The following CAST variants were observed in gnomAD, a reference collection of about 807,000 sequenced individuals.
The protein encoded by CAST is calpastatin, also known as MIR583 host.
In CAST, 76 loss-of-function variants were observed where a neutral mutation model predicts 119.6. That is an observed-to-expected ratio of 0.64 (90% CI 0.53 to 0.77). The LOEUF is 0.77. Ranked by LOEUF, CAST falls within the 30% of genes least tolerant of loss-of-function variation. The pLI is 0.00. For missense variants in CAST, 953 were observed against 946.5 expected (o/e 1.01, Z -0.09); for synonymous variants, 319 against 331.6 (o/e 0.96, Z 0.41).
chr5:96,419,707 C>G, the CAST span, among the ~76,000 whole-genome samples: 1 of 151,864 alleles, frequency 6.6e-6, no homozygotes, highest in African/African-American at 2.4e-5. Flanking sequence ...AGGCACAAAA[C>G]AAATAGCATT....
At chr5:96,513,766 G>A in the CAST span, among the ~76,000 whole-genome samples, 4 of 152,084 alleles carry the variant, frequency 2.6e-5, no homozygotes, top group Non-Finnish European at 5.9e-5. Flanking sequence ...TTGTTTCCTA[G>A]GGTTGCCATA....
the CAST span, among the ~76,000 whole-genome samples, chr5:96,274,353 C>T: frequency 6.6e-6 from 1 of 151,928 alleles, no homozygotes; most frequent in Non-Finnish European, 1.5e-5. Flanking sequence ...CTGCCCACCC[C>T]GGCCTCCCAA....
chr5:96,275,354 G>C, the CAST span, among the ~76,000 whole-genome samples: 5 of 152,298 alleles, frequency 3.3e-5, no homozygotes, highest in East Asian at 9.6e-4. Flanking sequence ...GGCAAGAATT[G>C]ATAATATAAC....
At chr5:96,255,553 C>T in the CAST span, among the ~76,000 whole-genome samples, 105 of 118,028 alleles carry the variant, frequency 8.9e-4, no homozygotes, top group African/African-American at 4.0e-3. Context: ...AAAACCAGGT[C>T]AGTCCAAATA....
At chr5:96,401,562 G>C in the CAST span, among the ~76,000 whole-genome samples, 1 of 152,208 alleles carries the variant, frequency 6.6e-6, no homozygotes, top group African/African-American at 2.4e-5. Flanking sequence ...AGATAAATCA[G>C]AGATATAAGG....
chr5:96,057,762 A>G, the CAST span, among the ~76,000 whole-genome samples: 1 of 152,134 alleles, frequency 6.6e-6, no homozygotes. Flanking sequence ...GGAAAGAACT[A>G]ACCCTTCTGG....
intron 3 of CAST, among the ~76,000 whole-genome samples, chr5:96,722,298 T>C (rs531280233): frequency 1.3e-5 from 2 of 152,328 alleles, no homozygotes; most frequent in South Asian, 4.1e-4. Context: ...TAATAATATT[T>C]ACTGAGCATT....
At chr5:96,227,274 T>G in the CAST span, among the ~76,000 whole-genome samples, 3 of 152,236 alleles carry the variant, frequency 2.0e-5, no homozygotes, top group Admixed American at 6.5e-5. Flanking sequence ...CATTTTGAAT[T>G]CTTTGGATTT....
intron 1 of CAST, among the ~76,000 whole-genome samples, chr5:96,640,626 A>G (rs548385541): frequency 6.6e-6 from 1 of 152,148 alleles, no homozygotes; most frequent in South Asian, 2.1e-4. Flanking sequence ...GAATGGAAAA[A>G]AGGGGAGCTG....
the CAST span, among the ~76,000 whole-genome samples, chr5:96,333,855 C>T: frequency 6.6e-6 from 1 of 152,172 alleles, no homozygotes; most frequent in African/African-American, 2.4e-5. Context: ...CTCTGAGCTT[C>T]ATTTATTCTG....
At chr5:96,022,580 A>G in the CAST span, among the ~76,000 whole-genome samples, 2 of 152,190 alleles carry the variant, frequency 1.3e-5, no homozygotes, top group African/African-American at 4.8e-5. Context: ...TGGTCTATTC[A>G]TGACTCTTTC....
chr5:96,381,915 A>G, the CAST span, among the ~76,000 whole-genome samples: 10,253 of 152,286 alleles, frequency 0.067, 551 homozygotes, highest in Non-Finnish European at 0.091. Flanking sequence ...TTATCAAGAT[A>G]CATAGAGTTA....
chr5:96,038,982 C>T, the CAST span, among the ~76,000 whole-genome samples: 3 of 152,152 alleles, frequency 2.0e-5, no homozygotes, highest in Non-Finnish European at 4.4e-5. Context: ...ATTTACATCC[C>T]CACCAACAGT....
chr5:96,292,160 C>T, the CAST span, among the ~76,000 whole-genome samples: 5 of 152,098 alleles, frequency 3.3e-5, no homozygotes, highest in Non-Finnish European at 2.9e-5. Flanking sequence ...AGGCTTCAAG[C>T]TTTACCCTGA....
At chr5:95,999,943 T>C in the CAST span, among the ~76,000 whole-genome samples, 1 of 152,332 alleles carries the variant, frequency 6.6e-6, no homozygotes, top group Admixed American at 6.5e-5. Flanking sequence ...ATTATAACCA[T>C]TTCAGTGGAT....
At chr5:96,538,676 T>TA (rs36077156) in intron 1 of CAST, among the ~76,000 whole-genome samples, 87,193 of 148,732 alleles carry the variant, frequency 0.59, 26,033 homozygotes, top group East Asian at 0.86. Flanking sequence ...TTTTTTAAAT[T>TA]AAAAAAAAAA....
chr5:96,590,041 G>C lies in CAST; in HGVS notation c.60+60161G>C, dbSNP rs531848160. On this transcript the variant is annotated intron_variant, in intron 1 of 11. Coordinates refer to the CAST transcript ENST00000505143. ...TTAGAGCACTTACAATTTGAAACAG[G>C]CTGTTTTATACTGTTTCTGATGCTC... Among the ~76,000 whole-genome samples the C allele has an allele frequency of 8.2e-4, 125 of 152,262 alleles. 2 individuals are homozygous for C. The highest frequency in any genetic ancestry group is 1.5e-3 in the South Asian group (7 of 4,816).
the CAST span, among the ~76,000 whole-genome samples, chr5:96,492,329 G>A: frequency 1.3e-5 from 2 of 152,130 alleles, no homozygotes; most frequent in Non-Finnish European, 2.9e-5. Flanking sequence ...CTTAAGTTGG[G>A]TCTTGAGTAT....
At chr5:96,119,795 C>T in the CAST span, among the ~76,000 whole-genome samples, 7 of 152,052 alleles carry the variant, frequency 4.6e-5, no homozygotes, top group South Asian at 1.2e-3. Flanking sequence ...GTATTATGTA[C>T]GCCTAAAAAG....
Sources: gnomAD v4.1 joint callset for allele counts (sites outside exome capture counted in the v4.1 genomes callset) on GRCh38, gnomAD v4.1.1 for gene constraint, MANE v1.5 for transcripts, NCBI Gene and HGNC (gene_info 2026-07-23, HGNC 2026-07-21) for gene names.